Variants in ZNF207 observed in about 807,000 individuals in gnomAD.
ZNF207 encodes the protein zinc finger protein 207.
In ZNF207, 24 loss-of-function variants were observed where a neutral mutation model predicts 60.2. That is an observed-to-expected ratio of 0.40 (90% CI 0.29 to 0.56). The LOEUF (loss-of-function observed/expected upper bound fraction) is 0.56. ZNF207 is among the 20% of genes least tolerant of loss of function. The pLI is 0.49. For synonymous variants in ZNF207, 236 were observed against 194.7 expected, an observed-to-expected ratio of 1.21 and a Z score of -1.77; for missense variants, 452 against 636.6, an observed-to-expected ratio of 0.71 and a Z score of 3.12.
At chr17:32,355,098 T>C (rs1489623049) in intron 2 of ZNF207, among the ~76,000 whole-genome samples, 1 of 152,126 alleles carries the variant, frequency 6.6e-6, no homozygotes, top group East Asian at 1.9e-4. Context: ...CTCAAGATGT[T>C]GATCTCAAGA....
chr17:32,354,738 C>T (rs1033963900), intron 2 of ZNF207, among the ~76,000 whole-genome samples: 18 of 152,140 alleles, frequency 1.2e-4, no homozygotes, highest in Admixed American at 8.5e-4. Context: ...CTCAGCCTCT[C>T]GAGTAGCTGG....
Position 32,360,603 on chromosome 17 carries a change from CAAAA to C in ZNF207, c.317_320del (p.Lys106ArgfsTer57). The C allele has an allele frequency of 1.3e-6, 2 of 1,581,178 alleles. No individual in the cohort carries two copies. Among genetic ancestry groups the C allele is most frequent in the Non-Finnish European group, 8.6e-7 (1 of 1,169,334 alleles). On this transcript the variant is annotated frameshift_variant, in exon 4 of 12. Transcript: ENST00000394670. LOFTEE classifies it high-confidence loss of function. Reference sequence around the variant, plus strand: ...TAATTTTTTTTTTTTAACAGAAAGTCAAAAAAAGAAGCAACAAGATGATTCTGAT... The same window carrying C: ...TAATTTTTTTTTTTTAACAGAAAGTCAAAGAAGCAACAAGATGATTCTGAT...
In ZNF207 at chr17:32,381,295, GC is replaced by G. The variant is rs921220582; in HGVS notation, c.*11537del. 4.6e-5 allele frequency: 7 copies of G among 152,200 alleles called. No individual in the cohort carries two copies. Among genetic ancestry groups the G allele is most frequent in the Non-Finnish European group, 7.3e-5 (5 of 68,032 alleles). The allele number at this position is 152,200 out of a possible 1,614,324, so 9.4% of individuals were successfully genotyped here. ...TGATTGTAAGGAGGTCCTGAACAAA[GC>G]ATGATAAATGTTAGTCCATGTGTAT... On this transcript the variant is annotated 3_prime_UTR_variant, in exon 12 of 12. Coordinates refer to ENST00000394670, the MANE Select transcript of ZNF207 (RefSeq NM_001098507.2).
Position 32,369,760 on chromosome 17 carries a change from T to C in ZNF207, c.*1T>C. The stretch of plus-strand genomic sequence containing the variant: ...AATGTCGCAAGGTGGCCGTTACTGA[T>C]CTTACTTCATCCAGTCTAATAGGTT... On this transcript the variant is annotated 3_prime_UTR_variant, in exon 12 of 12. Coordinates refer to ENST00000394670, the MANE Select transcript of ZNF207 (RefSeq NM_001098507.2). The C allele has an allele frequency of 5.9e-6, 9 of 1,522,512 alleles. No homozygotes were observed. The highest frequency in any genetic ancestry group is 7.9e-6 in the Non-Finnish European group (9 of 1,136,322). The allele number at this position is 1,522,512 out of a possible 1,614,324, so 94.3% of individuals were successfully genotyped here.
At position 32,377,691 on chromosome 17, in the gene ZNF207, A is replaced by G. The variant is rs926995759; in HGVS notation, c.*7932A>G. On this transcript the variant is annotated 3_prime_UTR_variant, in exon 12 of 12. Coordinates refer to ENST00000394670, the MANE Select transcript of ZNF207 (RefSeq NM_001098507.2). Reference sequence around the variant, plus strand: ...TCAAAATTTCTATCACAGTTCACATACTGGAATACATAGTAAAATTGAGAT... The same window carrying G: ...TCAAAATTTCTATCACAGTTCACATGCTGGAATACATAGTAAAATTGAGAT... The G allele has an allele frequency of 4.6e-5, 7 of 151,900 alleles. No homozygotes were observed. Among genetic ancestry groups the G allele is most frequent in the African/African-American group, 1.7e-4 (7 of 41,422 alleles). The allele number at this position is 151,900 out of a possible 1,614,324, so 9.4% of individuals were successfully genotyped here.
At position 32,367,941 on chromosome 17, in the gene ZNF207, CAAGT is replaced by C. The variant is rs759315939; in HGVS notation, c.1095_1098del (p.Lys366LeufsTer13). 1.9e-6 allele frequency: 3 copies of C among 1,614,158 alleles called. No homozygotes were observed. The highest frequency in any genetic ancestry group is 3.3e-5 in the Admixed American group (2 of 60,020). The stretch of plus-strand genomic sequence containing the variant: ...GCAGCTAAACCAGCGGCTTCAATAA[CAAGT>C]AAGCCTGCTACACTTACAACAACTA... On this transcript the variant is annotated frameshift_variant, in exon 10 of 12. Transcript: ENST00000394670. LOFTEE classifies it high-confidence loss of function.
At chr17:32,362,822 A>G in intron 6 of ZNF207, 92 bp from the exon 7 acceptor site, 1 of 1,017,684 alleles carries the variant, frequency 9.8e-7, no homozygotes, top group Admixed American at 2.1e-5. Flanking sequence ...CAAGTCTTCT[A>G]TCTAGTGTTG....
At position 32,380,626 on chromosome 17, in the gene ZNF207, G is replaced by T. The variant is rs997939291; in HGVS notation, c.*10867G>T. ...TTGTGCTCTTTCTGGAATATTAGAGGAATCAGTTAATAATAGTAAAGTGGT... is the reference window on the plus strand; with the variant it reads ...TTGTGCTCTTTCTGGAATATTAGAGTAATCAGTTAATAATAGTAAAGTGGT... On this transcript the variant is annotated 3_prime_UTR_variant, in exon 12 of 12. Transcript: ENST00000394670. 6.6e-6 allele frequency: 1 copy of T among 152,200 alleles called. No homozygotes were observed. The highest frequency in any genetic ancestry group is 1.5e-5 in the Non-Finnish European group (1 of 68,038). 9.4% of individuals were successfully genotyped at this position (152,200 alleles called of 1,614,324 possible).
Position 32,369,662 on chromosome 17 carries a change from G to C in ZNF207, c.1388G>C (p.Gly463Ala). The change falls in exon 12 of 12, where the codon GGG becomes GCG. Residue 463 changes from glycine (G) to alanine (A), a missense_variant. Physicochemically the swap from Gly to Ala is moderately conservative, Grantham distance 60 (BLOSUM62 0). This residue lies in a region of ZNF207 where 390 missense variants were observed against 461.4 expected (regional missense o/e 0.85). Transcript: ENST00000394670. ...GYLPGAMPPY[G>A]QGPPMVPPYQ... ...CTTCCTGGTGCTATGCCCCCGTATG[G>C]GCAGGGACCGCCAATGGTGCCCCCT... is the stretch of plus-strand genomic sequence containing the variant. 1 of 1,598,760 alleles carries C rather than the reference G, an allele frequency of 6.3e-7. No homozygotes were observed. Among genetic ancestry groups the C allele is most frequent in the Non-Finnish European group, 8.5e-7 (1 of 1,172,120 alleles).
At chr17:32,356,585 A>G (rs867621110) in intron 2 of ZNF207, among the ~76,000 whole-genome samples, 1 of 152,234 alleles carries the variant, frequency 6.6e-6, no homozygotes, top group Non-Finnish European at 1.5e-5. Flanking sequence ...CTGTTCGTAC[A>G]TGAAAATGTC....
At chr17:32,368,363 A>C (rs2150803005) in intron 10 of ZNF207, 1 of 225,528 alleles carries the variant, frequency 4.4e-6, no homozygotes, top group South Asian at 7.2e-5. Context: ...AGATCCCTTA[A>C]GTCCCATATA....
At chr17:32,358,026 C>T (rs1904652038) in intron 2 of ZNF207, among the ~76,000 whole-genome samples, 1 of 152,138 alleles carries the variant, frequency 6.6e-6, no homozygotes, top group Non-Finnish European at 1.5e-5. Flanking sequence ...GGTGATCCAC[C>T]CGTCTTGGCC....
rs1005798280 is a variant in ZNF207, at chr17:32,374,723, T to G, written c.*4964T>G. On this transcript the variant is annotated 3_prime_UTR_variant, in exon 12 of 12. Transcript: ENST00000394670. ...CATATAGTTGATATAACAACAGAAT[T>G]TGGGTGTTACAGACCTTTCAGCATG... 2 of 152,168 alleles carry G rather than the reference T, an allele frequency of 1.3e-5. No homozygotes were observed. The highest frequency in any genetic ancestry group is 4.8e-5 in the African/African-American group (2 of 41,448). 9.4% of individuals were successfully genotyped at this position (152,168 alleles called of 1,614,324 possible).
chr17:32,355,588 T>C (rs778565473), intron 2 of ZNF207, among the ~76,000 whole-genome samples: 8 of 152,112 alleles, frequency 5.3e-5, no homozygotes, highest in Non-Finnish European at 1.0e-4. Flanking sequence ...GAGATAGAAA[T>C]TTGGACGCAT....
chr17:32,380,942 G>A lies in ZNF207; in HGVS notation c.*11183G>A, dbSNP rs1905857541. ...GTTGCACTCCAGCTTGGGTGACAGAGCGAGACTCCGTCTCAAAAAAAAAAA... is the reference window on the plus strand; with the variant it reads ...GTTGCACTCCAGCTTGGGTGACAGAACGAGACTCCGTCTCAAAAAAAAAAA... On this transcript the variant is annotated 3_prime_UTR_variant, in exon 12 of 12. Transcript: ENST00000394670. 1 of 151,956 alleles carries A rather than the reference G, an allele frequency of 6.6e-6. No homozygotes were observed. Among genetic ancestry groups the A allele is most frequent in the African/African-American group, 2.4e-5 (1 of 41,362 alleles). The allele number at this position is 151,956 out of a possible 1,614,324, so 9.4% of individuals were successfully genotyped here.
rs1054760227 is a variant in ZNF207, at chr17:32,379,045, A to G, written c.*9286A>G. The G allele has an allele frequency of 3.3e-5, 5 of 152,114 alleles. No individual in the cohort carries two copies. Among genetic ancestry groups the G allele is most frequent in the Admixed American group, 2.6e-4 (4 of 15,278 alleles). 9.4% of individuals were successfully genotyped at this position (152,114 alleles called of 1,614,324 possible). On this transcript the variant is annotated 3_prime_UTR_variant, in exon 12 of 12. Coordinates refer to ENST00000394670, the MANE Select transcript of ZNF207 (RefSeq NM_001098507.2). ...CTAAATTTTAAAACATGGATTTATC[A>G]ACTGATAATAAAATATATCTTACAA...
intron 3 of ZNF207, among the ~76,000 whole-genome samples, 184 bp from the exon 4 acceptor site, chr17:32,360,414 C>T (rs774272088): frequency 3.9e-5 from 6 of 151,912 alleles, no homozygotes; most frequent in African/African-American, 9.7e-5. Context: ...AGGGAAAGAA[C>T]GTTAATCTTG....
At chr17:32,368,329 C>T (rs552321533) in intron 10 of ZNF207, 12 of 307,442 alleles carry the variant, frequency 3.9e-5, no homozygotes, top group East Asian at 7.1e-5. Context: ...ATTGAATAAA[C>T]GTTAAGTGTG....
At chr17:32,361,576 G>T in intron 6 of ZNF207, 61 bp downstream of exon 6, 1 of 1,501,212 alleles carries the variant, frequency 6.7e-7, no homozygotes, top group Non-Finnish European at 9.1e-7. Flanking sequence ...TTTTTTATGT[G>T]TGTGTTTAAT....
Sources: gnomAD v4.1 joint callset for allele counts (sites outside exome capture counted in the v4.1 genomes callset) on GRCh38, gnomAD v4.1.1 for gene constraint, gnomAD v4.1.1 regional missense constraint, MANE v1.5 for transcripts, NCBI Gene and HGNC (gene_info 2026-07-23, HGNC 2026-07-21) for gene names.